The following EXT1 variants were observed in gnomAD, a reference collection of about 807,000 sequenced individuals.
EXT1 encodes the protein exostosin glycosyltransferase 1, also known as exostosin-1.
Under a neutral mutation model 82.5 loss-of-function variants are expected in EXT1, and 20 were observed. That is an observed-to-expected ratio of 0.24 (90% CI 0.17 to 0.35). The LOEUF is 0.35. Ranked by LOEUF, EXT1 falls within the 10% of genes least tolerant of loss-of-function variation. EXT1 has a pLI of 1.00. For synonymous variants in EXT1, 348 were observed against 350.8 expected (o/e 0.99, Z 0.09); for missense variants, 757 against 936.5 (o/e 0.81, Z 2.50).
At chr8:117,939,053 TC>T (rs1163003710) in intron 1 of EXT1, among the ~76,000 whole-genome samples, 4 of 151,700 alleles carry the variant, frequency 2.6e-5, no homozygotes, top group Admixed American at 6.6e-5. Flanking sequence ...TGTTTTTTTT[TC>T]CCCCCAATGG....
rs139028820 is a variant in EXT1, at chr8:118,064,557, T to C, written c.962+45528A>G. Among the ~76,000 whole-genome samples the C allele has an allele frequency of 2.2e-3, 329 of 152,364 alleles. 2 individuals carry two copies. The highest frequency in any genetic ancestry group is 3.9e-3 in the Non-Finnish European group (265 of 68,038). ...TATTCCATGGTATATATGTGCCACA[T>C]TTTCTTTATCCAGTCTATCATTGAT... On this transcript the variant is annotated intron_variant, in intron 1 of 10. Coordinates refer to ENST00000378204, the MANE Select transcript of EXT1 (RefSeq NM_000127.3).
chr8:117,882,438 G>T (rs1813077081), intron 1 of EXT1, among the ~76,000 whole-genome samples: 1 of 152,198 alleles, frequency 6.6e-6, no homozygotes, highest in African/African-American at 2.4e-5. Flanking sequence ...TGGTTGAGAG[G>T]TGTCTAGCAG....
intron 1 of EXT1, among the ~76,000 whole-genome samples, chr8:117,845,220 C>G (rs1174670709): frequency 6.6e-6 from 1 of 152,222 alleles, no homozygotes; most frequent in Non-Finnish European, 1.5e-5. Flanking sequence ...TATCCATGAT[C>G]TCATGACAGC....
intron 1 of EXT1, among the ~76,000 whole-genome samples, chr8:117,844,564 T>C (rs1812323446): frequency 6.6e-6 from 1 of 152,178 alleles, no homozygotes; most frequent in Non-Finnish European, 1.5e-5. Context: ...ACCAATCTTT[T>C]AGCTGGAAAA....
At position 118,110,816 on chromosome 8, in the gene EXT1, G is replaced by T. The variant is rs768341134; in HGVS notation, c.231C>A (p.Ser77Arg). Residue 77 changes from serine (S) to arginine (R), a missense_variant, in exon 1 of 11, where the codon AGC (serine) becomes AGA (arginine). Around this residue, in one of 4 missense-constraint regions of EXT1, gnomAD observed 175 missense variants for 159.0 expected, o/e 1.10. Transcript: ENST00000378204. Reference sequence around the variant, plus strand: ...GCTTCTGCCGGGGGGAAATGTGCACGCTGGAATCCTCGTTTTCCAATTGAT... The same window carrying T: ...GCTTCTGCCGGGGGGAAATGTGCACTCTGGAATCCTCGTTTTCCAATTGAT... ...PWDQLENEDS[S>R]VHISPRQKRD... is the part of the protein sequence containing the mutation. 1 of 1,612,868 alleles carries T rather than the reference G, an allele frequency of 6.2e-7. No homozygotes were observed. The highest frequency in any genetic ancestry group is 2.2e-5 in the East Asian group (1 of 44,866).
intron 1 of EXT1, among the ~76,000 whole-genome samples, chr8:117,862,415 C>T (rs1316753870): frequency 6.9e-6 from 1 of 145,928 alleles, no homozygotes; most frequent in Admixed American, 6.9e-5. Context: ...ACTTCTCTTT[C>T]ATTCCTATGA....
intron 1 of EXT1, among the ~76,000 whole-genome samples, chr8:118,023,816 A>C (rs1034415499): frequency 6.6e-6 from 1 of 152,262 alleles, no homozygotes; most frequent in South Asian, 2.1e-4. Context: ...GCAAGACTTG[A>C]GCACAGATAC....
At chr8:118,068,371 TTG>T (rs1323991136) in intron 1 of EXT1, among the ~76,000 whole-genome samples, 3 of 152,336 alleles carry the variant, frequency 2.0e-5, no homozygotes, top group African/African-American at 7.2e-5. Flanking sequence ...ATGCACAGGT[TTG>T]TTACATAGGT....
At chr8:118,012,399 T>C (rs2169604) in intron 1 of EXT1, among the ~76,000 whole-genome samples, 64,568 of 152,084 alleles carry the variant, frequency 0.42, 15,213 homozygotes, top group African/African-American at 0.63. Flanking sequence ...ACCCTTTTTG[T>C]CCGGGAAGGT....
rs141065889 is a variant in EXT1, at chr8:117,918,172, C to T, written c.963-80971G>A. 2.4e-4 allele frequency among the ~76,000 whole-genome samples: 36 copies of T among 152,306 alleles called. 1 individual carries two copies. The highest frequency in any genetic ancestry group is 3.4e-3 in the Middle Eastern group (1 of 294). ...TACACTGAATGTGAAGTTGGTATTT[C>T]CTATTTCCCAGCAATGTTACTTCAT... On this transcript the variant is annotated intron_variant, in intron 1 of 10. Transcript: ENST00000378204.
chr8:117,873,361 G>A (rs1236586761), intron 1 of EXT1, among the ~76,000 whole-genome samples: 1 of 150,846 alleles, frequency 6.6e-6, no homozygotes, highest in Non-Finnish European at 1.5e-5. Flanking sequence ...TTCTGACAAC[G>A]AAACTACAAT....
At chr8:117,850,624 A>G (rs1342172505) in intron 1 of EXT1, among the ~76,000 whole-genome samples, 1 of 152,250 alleles carries the variant, frequency 6.6e-6, no homozygotes. Context: ...TTGCAAAACC[A>G]TTTCCAAAGC....
intron 1 of EXT1, among the ~76,000 whole-genome samples, chr8:117,993,752 G>T: frequency 6.6e-6 from 1 of 152,188 alleles, no homozygotes; most frequent in Non-Finnish European, 1.5e-5. Flanking sequence ...AATTAACCAG[G>T]CCTTCCCAAA....
intron 1 of EXT1, among the ~76,000 whole-genome samples, chr8:117,919,530 G>A (rs1454789281): frequency 1.4e-5 from 2 of 141,778 alleles, no homozygotes; most frequent in Admixed American, 7.4e-5. Flanking sequence ...TTTGAGACAA[G>A]GTTTTGCTCA....
At chr8:117,889,804 G>A (rs924608483) in intron 1 of EXT1, among the ~76,000 whole-genome samples, 22 of 152,186 alleles carry the variant, frequency 1.4e-4, no homozygotes, top group Non-Finnish European at 2.8e-4. Flanking sequence ...TAAAATCATC[G>A]TGAGATCTAA....
At chr8:117,848,469 G>A (rs1304536238) in intron 1 of EXT1, among the ~76,000 whole-genome samples, 1 of 152,074 alleles carries the variant, frequency 6.6e-6, no homozygotes, top group Non-Finnish European at 1.5e-5. Flanking sequence ...CTAGCTCCCT[G>A]GCACTCTCAT....
chr8:118,032,673 GC>G (rs1816346729), intron 1 of EXT1, among the ~76,000 whole-genome samples: 1 of 151,902 alleles, frequency 6.6e-6, no homozygotes, highest in South Asian at 2.1e-4. Context: ...ACCACGCCCA[GC>G]TAATTTTGTA....
intron 1 of EXT1, among the ~76,000 whole-genome samples, chr8:118,037,187 T>A (rs1211201285): frequency 6.6e-6 from 1 of 152,092 alleles, no homozygotes; most frequent in Non-Finnish European, 1.5e-5. Flanking sequence ...TCCAGAATAA[T>A]CTAAGTAAAA....
At chr8:117,839,531 T>C (rs1050730335) in intron 1 of EXT1, among the ~76,000 whole-genome samples, 1 of 152,220 alleles carries the variant, frequency 6.6e-6, no homozygotes, top group African/African-American at 2.4e-5. Context: ...TAGAGGCTCA[T>C]ACAGAACATG....
Sources: allele counts gnomAD v4.1 joint callset (sites outside exome capture counted in the v4.1 genomes callset), GRCh38; gene constraint gnomAD v4.1.1; regional missense constraint gnomAD v4.1.1; transcripts MANE v1.5; gene names NCBI Gene and HGNC (gene_info 2026-07-23, HGNC 2026-07-21).